The following NXPH1 variants were observed in gnomAD, a reference collection of about 807,000 sequenced individuals.
NXPH1 encodes neurexophilin-1.
Under a neutral mutation model 23.7 loss-of-function variants are expected in NXPH1, and 5 were observed. The observed-to-expected ratio is 0.21, with a 90% CI of 0.11 to 0.44. The LOEUF (loss-of-function observed/expected upper bound fraction) is 0.44, where lower values mean the gene tolerates loss of function less well. Ranked by LOEUF, NXPH1 falls within the 20% of genes least tolerant of loss-of-function variation. NXPH1 has a pLI of 0.99. For synonymous variants in NXPH1, 144 were observed against 122.2 expected, an observed-to-expected ratio of 1.18 and a Z score of -1.18; for missense variants, 324 against 321.6, an observed-to-expected ratio of 1.01 and a Z score of -0.06.
intron 2 of NXPH1, among the ~76,000 whole-genome samples, chr7:8,494,346 T>TA (rs1393913947): frequency 1.3e-5 from 2 of 152,062 alleles, no homozygotes; most frequent in Non-Finnish European, 2.9e-5. Flanking sequence ...TTTCAATTTT[T>TA]ATCTCTTTGT....
At chr7:8,747,816 A>G (rs1309708390) in intron 2 of NXPH1, among the ~76,000 whole-genome samples, 1 of 152,204 alleles carries the variant, frequency 6.6e-6, no homozygotes, top group Non-Finnish European at 1.5e-5. Flanking sequence ...TACTATTTTT[A>G]CTGATTAATG....
At position 8,682,829 on chromosome 7, in the gene NXPH1, A is replaced by G. The variant is rs138136327; in HGVS notation, c.55-68179A>G. ...GGAATGCACACATTATTAACCTTTT[A>G]ATAGTTCAAGTCATTAGAATGTGAT... On this transcript the variant is annotated intron_variant, in intron 2 of 2. Coordinates refer to ENST00000405863, the MANE Select transcript of NXPH1 (RefSeq NM_152745.3). Among the ~76,000 whole-genome samples the G allele has an allele frequency of 1.7e-4, 26 of 152,358 alleles. 1 individual carries two copies. In the East Asian group the frequency reaches 5.0e-3, roughly 29 times the overall value.
At chr7:8,679,378 G>T (rs1306429279) in intron 2 of NXPH1, among the ~76,000 whole-genome samples, 1 of 152,178 alleles carries the variant, frequency 6.6e-6, no homozygotes, top group South Asian at 2.1e-4. Flanking sequence ...TTGGGGTGCC[G>T]CACTGGAGAG....
intron 2 of NXPH1, among the ~76,000 whole-genome samples, chr7:8,707,472 C>T (rs914143494): frequency 6.6e-6 from 1 of 152,162 alleles, no homozygotes; most frequent in African/African-American, 2.4e-5. Context: ...TCCTGTCCTT[C>T]TGCTTCCAAC....
chr7:8,700,782 G>C (rs1163489075), intron 2 of NXPH1, among the ~76,000 whole-genome samples: 2 of 152,018 alleles, frequency 1.3e-5, no homozygotes, highest in African/African-American at 4.8e-5. Context: ...CTTAAATTTA[G>C]CCTGATCACT....
chr7:8,699,676 T>C (rs1779590830), intron 2 of NXPH1, among the ~76,000 whole-genome samples: 1 of 152,156 alleles, frequency 6.6e-6, no homozygotes, highest in South Asian at 2.1e-4. Context: ...TTGATAGGGT[T>C]TTGATGATGG....
chr7:8,678,291 G>A (rs927275809), intron 2 of NXPH1, among the ~76,000 whole-genome samples: 8 of 152,128 alleles, frequency 5.3e-5, no homozygotes, highest in Admixed American at 3.9e-4. Flanking sequence ...CCCACCTCTA[G>A]GTGCTTGGTC....
intron 2 of NXPH1, among the ~76,000 whole-genome samples, chr7:8,586,903 C>T (rs1003763648): frequency 5.3e-5 from 8 of 151,938 alleles, no homozygotes; most frequent in Non-Finnish European, 8.8e-5. Context: ...AATACTCTAT[C>T]CCTTAGAGAA....
intron 2 of NXPH1, among the ~76,000 whole-genome samples, chr7:8,474,240 T>C (rs1360787377): frequency 6.6e-6 from 1 of 152,310 alleles, no homozygotes; most frequent in East Asian, 1.9e-4. Flanking sequence ...GCTACACATA[T>C]TTTGTGTTTT....
intron 2 of NXPH1, among the ~76,000 whole-genome samples, chr7:8,735,837 T>A (rs1000641706): frequency 9.9e-5 from 15 of 152,184 alleles, no homozygotes; most frequent in African/African-American, 3.4e-4. Flanking sequence ...TATTCAGGGA[T>A]TCAATTTCTT....
In NXPH1 at chr7:8,435,401, C is replaced by G; in HGVS notation, c.-110-203C>G. The G allele has an allele frequency of 4.3e-6, 2 of 467,564 alleles. No homozygotes were observed. Among genetic ancestry groups the G allele is most frequent in the Non-Finnish European group, 7.7e-6 (2 of 258,430 alleles). The allele number at this position is 467,564 out of a possible 1,614,324, so 29.0% of individuals were successfully genotyped here. On this transcript the variant is annotated intron_variant, in intron 1 of 2. Coordinates refer to ENST00000405863, the MANE Select transcript of NXPH1 (RefSeq NM_152745.3). This position sits in a 1 kb window ranked among gnomAD's most constrained non-coding sequence, Gnocchi z 5.9. ...GCAAGGAGCCCCTCACCCTCCCTCT[C>G]GTCCGCCCGCCCGCCTCCCCAGCTG...
intron 2 of NXPH1, among the ~76,000 whole-genome samples, chr7:8,658,392 A>G (rs1348739363): frequency 1.3e-5 from 2 of 152,124 alleles, no homozygotes; most frequent in Non-Finnish European, 2.9e-5. Context: ...TAGTACTTAA[A>G]TTTTTTCTTA....
chr7:8,672,503 A>G (rs1820887404), intron 2 of NXPH1, among the ~76,000 whole-genome samples: 1 of 151,858 alleles, frequency 6.6e-6, no homozygotes, highest in Non-Finnish European at 1.5e-5. Flanking sequence ...CATAAAACAC[A>G]CCATAATAAA....
At chr7:8,548,889 G>A (rs1046178061) in intron 2 of NXPH1, among the ~76,000 whole-genome samples, 1 of 151,496 alleles carries the variant, frequency 6.6e-6, no homozygotes, top group African/African-American at 2.4e-5. Flanking sequence ...CTTGACATCA[G>A]CATCAGTTTT....
chr7:8,522,551 A>G (rs1418009025), intron 2 of NXPH1, among the ~76,000 whole-genome samples: 1 of 152,194 alleles, frequency 6.6e-6, no homozygotes, highest in Non-Finnish European at 1.5e-5. Context: ...TATCAGCTCT[A>G]GCACCGTTTT....
In NXPH1 at chr7:8,751,757, T is replaced by C. The variant is rs757195157; in HGVS notation, c.804T>C (p.Phe268=). 2.7e-5 allele frequency: 43 copies of C among 1,608,794 alleles called. No homozygotes were observed. The Admixed American group carries it at 7.0e-4, about 26-fold the overall frequency. The change falls in exon 3 of 3, where the codon TTT becomes TTC. Residue 268 remains phenylalanine, a synonymous_variant. Transcript: ENST00000405863. This position sits in a 1 kb window ranked among gnomAD's most constrained non-coding sequence, Gnocchi z 4.5. The stretch of plus-strand genomic sequence containing the variant: ...ACTACCACAGTGACACACCTTACTT[T>C]CCCTCGGGATGAAGGTGAACATGGG... ...DYNYHSDTPY[F]PSG
chr7:8,632,010 T>C (rs750336344), intron 2 of NXPH1, among the ~76,000 whole-genome samples: 3 of 152,180 alleles, frequency 2.0e-5, no homozygotes, highest in African/African-American at 4.8e-5. Context: ...GGGTATTCTT[T>C]ACTGTGCCTG....
intron 2 of NXPH1, among the ~76,000 whole-genome samples, chr7:8,739,134 C>T (rs1162696816): frequency 5.9e-5 from 7 of 118,650 alleles, no homozygotes; most frequent in East Asian, 2.7e-4. Context: ...AGGGAGTGAA[C>T]GGTTTCGTCT....
At chr7:8,706,274 G>T (rs1057240796) in intron 2 of NXPH1, among the ~76,000 whole-genome samples, 1 of 152,156 alleles carries the variant, frequency 6.6e-6, no homozygotes. Context: ...ATTTGATTGG[G>T]CATGTGTGCA....
Sources: allele counts gnomAD v4.1 joint callset (sites outside exome capture counted in the v4.1 genomes callset), GRCh38; gene constraint gnomAD v4.1.1; non-coding constraint Gnocchi (gnomAD v3.1); transcripts MANE v1.5; gene names NCBI Gene and HGNC (gene_info 2026-07-23, HGNC 2026-07-21).